Variants in EXT1 observed in about 807,000 individuals in gnomAD.
EXT1 encodes exostosin glycosyltransferase 1, also known as exostosin-1.
EXT1 carries 20 observed loss-of-function variants against 82.5 expected under a neutral mutation model. The ratio of observed to expected loss-of-function variants is 0.24; its 90% CI spans 0.17 to 0.35. The LOEUF (loss-of-function observed/expected upper bound fraction) is 0.35. Among genes scored for constraint, EXT1 ranks in the 10% least tolerant of loss-of-function variants. The pLI, the probability that EXT1 is intolerant of heterozygous loss-of-function variation, is 1.00. For missense variants in EXT1, 757 were observed against 936.5 expected, an observed-to-expected ratio of 0.81 and a Z score of 2.50; for synonymous variants, 348 against 350.8, an observed-to-expected ratio of 0.99 and a Z score of 0.09.
At chr8:117,955,200 C>T (rs1814563832) in intron 1 of EXT1, among the ~76,000 whole-genome samples, 1 of 152,208 alleles carries the variant, frequency 6.6e-6, no homozygotes, top group African/African-American at 2.4e-5. Flanking sequence ...GCACCATCCT[C>T]CCGGCATGTG....
chr8:118,034,413 C>G (rs1026892190), intron 1 of EXT1, among the ~76,000 whole-genome samples: 3 of 152,120 alleles, frequency 2.0e-5, no homozygotes, highest in Non-Finnish European at 4.4e-5. Context: ...GCAACCTGTA[C>G]AGAATCTAAT....
At chr8:117,951,899 C>T (rs1270242092) in intron 1 of EXT1, among the ~76,000 whole-genome samples, 1 of 152,204 alleles carries the variant, frequency 6.6e-6, no homozygotes, top group African/African-American at 2.4e-5. Context: ...TATTGGAACA[C>T]AGCCACACTC....
chr8:118,041,342 C>T lies in EXT1; in HGVS notation c.962+68743G>A, dbSNP rs73325972. Among the ~76,000 whole-genome samples, 1,488 of 152,272 alleles carry T rather than the reference C, an allele frequency of 9.8e-3. 22 individuals are homozygous for T. Among genetic ancestry groups the T allele is most frequent in the African/African-American group, 0.033 (1,376 of 41,546 alleles). On this transcript the variant is annotated intron_variant, in intron 1 of 10. Coordinates refer to ENST00000378204, the MANE Select transcript of EXT1 (RefSeq NM_000127.3). ...CAACCAGTATGACTTGGTCAAATTA[C>T]TCTGCATGTGATTAATCCATTTAAA...
rs114488638 is a variant in EXT1 at position 118,094,427 on chromosome 8, A to C, written c.962+15658T>G. Among the ~76,000 whole-genome samples, 1,306 of 152,366 alleles carry C rather than the reference A, an allele frequency of 8.6e-3. 25 individuals are homozygous for C. Among genetic ancestry groups the C allele is most frequent in the African/African-American group, 0.03 (1,236 of 41,576 alleles). ...ACTACAATTATAATGAGCTGTAAAC[A>C]GGTCAAATGAAAGAAATGAAATTAA... On this transcript the variant is annotated intron_variant, in intron 1 of 10. Transcript: ENST00000378204.
At chr8:118,033,923 T>C (rs893324289) in intron 1 of EXT1, among the ~76,000 whole-genome samples, 1 of 152,188 alleles carries the variant, frequency 6.6e-6, no homozygotes. Context: ...CATCACTATA[T>C]AATTTTAATA....
At chr8:117,941,575 A>G (rs1186155980) in intron 1 of EXT1, among the ~76,000 whole-genome samples, 2 of 152,004 alleles carry the variant, frequency 1.3e-5, no homozygotes, top group African/African-American at 2.4e-5. Flanking sequence ...CGCCACACAC[A>G]GCGCAGAAAG....
intron 1 of EXT1, among the ~76,000 whole-genome samples, chr8:117,932,996 C>T (rs1296497227): frequency 1.3e-5 from 2 of 152,242 alleles, no homozygotes; most frequent in African/African-American, 4.8e-5. Context: ...TACTGGCCCC[C>T]TTCTGTTCCT....
At chr8:118,081,182 T>C (rs1276685697) in intron 1 of EXT1, among the ~76,000 whole-genome samples, 1 of 152,154 alleles carries the variant, frequency 6.6e-6, no homozygotes, top group African/African-American at 2.4e-5. Context: ...GGATATCAAA[T>C]ACTCATAACC....
intron 1 of EXT1, among the ~76,000 whole-genome samples, chr8:118,085,479 G>GTTTTTTTTTT (rs58866328): frequency 7.9e-6 from 1 of 126,744 alleles, no homozygotes; most frequent in Non-Finnish European, 1.7e-5. Flanking sequence ...GGCTGTTTTT[G>GTTTTTTTTTT]TTTTTTTTTT....
At chr8:117,934,689 G>A (rs1307213975) in intron 1 of EXT1, among the ~76,000 whole-genome samples, 1 of 152,158 alleles carries the variant, frequency 6.6e-6, no homozygotes, top group African/African-American at 2.4e-5. Context: ...AGCTGGGTGC[G>A]CAAAGAACCC....
At position 117,797,373 on chromosome 8, in the gene EXT1, T is replaced by C. The variant is rs36123499; in HGVS notation, c.*2339A>G. On this transcript the variant is annotated 3_prime_UTR_variant, in exon 11 of 11. Transcript: ENST00000378204. ...TCTTATTTATAATTACCATTTTTCT[T>C]CACATAACACATGTTGTTTGTGGAG... 31,758 of 152,220 alleles carry C rather than the reference T, an allele frequency of 0.21. 4,200 individuals are homozygous for C. The highest frequency in any genetic ancestry group is 0.38 in the Middle Eastern group (112 of 292). 9.4% of individuals were successfully genotyped at this position (152,220 alleles called of 1,614,324 possible). A position where few individuals can be genotyped will look rare whatever the true frequency, so the allele number is the denominator to read the frequency against.
intron 1 of EXT1, among the ~76,000 whole-genome samples, chr8:118,070,318 G>A (rs1257819189): frequency 6.7e-6 from 1 of 148,766 alleles, no homozygotes; most frequent in Non-Finnish European, 1.5e-5. Context: ...TCTACTTAGA[G>A]TAAACATACA....
chr8:117,909,710 A>G, intron 1 of EXT1, among the ~76,000 whole-genome samples: 1 of 152,132 alleles, frequency 6.6e-6, no homozygotes, highest in Non-Finnish European at 1.5e-5. Flanking sequence ...ATTCATTGCC[A>G]CCATTTCCCA....
At chr8:117,832,038 T>C (rs1229658316) in intron 3 of EXT1, among the ~76,000 whole-genome samples, 1 of 152,122 alleles carries the variant, frequency 6.6e-6, no homozygotes, top group African/African-American at 2.4e-5. Context: ...TCATAGAACC[T>C]TTATCAGTGC....
chr8:117,835,509 G>C lies in EXT1; in HGVS notation c.1099C>G (p.Pro367Ala). ...TTCCAATTAATCACTTCAGAGAATGGCAACTCCCATCCATTGCTGAGCATC... is the reference window on the plus strand; with the variant it reads ...TTCCAATTAATCACTTCAGAGAATGCCAACTCCCATCCATTGCTGAGCATC... ...PVMLSNGWEL[P>A]FSEVINWNQA... Residue 367 changes from proline to alanine, a missense_variant, in exon 3 of 11, where the codon CCA (proline) becomes GCA (alanine). By Grantham distance (27) the Pro-to-Ala change is conservative. Transcript: ENST00000378204. The C allele has an allele frequency of 6.2e-7, 1 of 1,614,106 alleles. No homozygotes were observed. Among genetic ancestry groups the C allele is most frequent in the East Asian group, 2.2e-5 (1 of 44,878 alleles).
intron 1 of EXT1, among the ~76,000 whole-genome samples, chr8:117,856,422 A>AT (rs951647677): frequency 0.022 from 1,835 of 83,740 alleles, 25 homozygotes; most frequent in African/African-American, 0.028. Context: ...GCCTGGCTAA[A>AT]TTTTTTTTTT....
chr8:118,008,748 G>T (rs1425819231), intron 1 of EXT1, among the ~76,000 whole-genome samples: 2 of 151,674 alleles, frequency 1.3e-5, no homozygotes, highest in African/African-American at 4.8e-5. Flanking sequence ...AACCACAGCT[G>T]CAATTAAAAA....
chr8:117,937,929 A>G (rs1814198166), intron 1 of EXT1, among the ~76,000 whole-genome samples: 1 of 152,230 alleles, frequency 6.6e-6, no homozygotes, highest in Non-Finnish European at 1.5e-5. Context: ...CTCTAGTCAC[A>G]GATTGCCTGA....
At chr8:118,027,373 C>T (rs1346195951) in intron 1 of EXT1, among the ~76,000 whole-genome samples, 2 of 150,556 alleles carry the variant, frequency 1.3e-5, no homozygotes, top group African/African-American at 2.5e-5. Context: ...TTAATGCTAT[C>T]AACAGCTTTA....
Sources: gnomAD v4.1 joint callset for allele counts (sites outside exome capture counted in the v4.1 genomes callset) on GRCh38, gnomAD v4.1.1 for gene constraint, MANE v1.5 for transcripts, NCBI Gene and HGNC (gene_info 2026-07-23, HGNC 2026-07-21) for gene names.